The following CAMK2G variants were observed in gnomAD, a reference collection of about 807,000 sequenced individuals.
CAMK2G encodes the protein calcium/calmodulin dependent protein kinase II gamma.
Under a neutral mutation model 88.7 loss-of-function variants are expected in CAMK2G, and 23 were observed. The observed-to-expected ratio is 0.26, with a 90% CI of 0.19 to 0.37. CAMK2G has a LOEUF of 0.37. CAMK2G is among the 10% of genes least tolerant of loss of function. The pLI is 1.00. For synonymous variants in CAMK2G, 263 were observed against 294.8 expected (o/e 0.89, Z 1.11); for missense variants, 476 against 780.8 (o/e 0.61, Z 4.65).
At chr10:73,856,460 T>G (rs1050845662) in intron 3 of CAMK2G, among the ~76,000 whole-genome samples, 2 of 152,220 alleles carry the variant, frequency 1.3e-5, no homozygotes, top group African/African-American at 4.8e-5. Context: ...CAGGCGAGGC[T>G]GTACATGCCA....
At chr10:73,833,941 C>G (rs1187163461) in intron 14 of CAMK2G, among the ~76,000 whole-genome samples, 2 of 79,304 alleles carry the variant, frequency 2.5e-5, no homozygotes, top group African/African-American at 1.2e-4. Flanking sequence ...TTTTTTGAGA[C>G]GGAGTCTTGC....
intron 10 of CAMK2G, chr10:73,846,687 G>T (rs2094266572): frequency 6.6e-6 from 1 of 152,256 alleles, no homozygotes; most frequent in Admixed American, 6.5e-5. Context: ...TCTGAAAGTT[G>T]ATATTTCAGC....
chr10:73,829,203 T>A (rs796320462), intron 14 of CAMK2G, among the ~76,000 whole-genome samples: 3 of 152,294 alleles, frequency 2.0e-5, no homozygotes, highest in African/African-American at 7.2e-5. Flanking sequence ...TGGTCCATAA[T>A]TTAGAATTAG....
intron 14 of CAMK2G, among the ~76,000 whole-genome samples, chr10:73,829,264 C>T (rs2133821708): frequency 7.4e-6 from 1 of 135,400 alleles, no homozygotes; most frequent in African/African-American, 2.7e-5. Flanking sequence ...TTTACATTGG[C>T]CTTTTATTTA....
At chr10:73,862,303 C>A (rs934572929) in intron 2 of CAMK2G, among the ~76,000 whole-genome samples, 32 of 145,624 alleles carry the variant, frequency 2.2e-4, no homozygotes, top group East Asian at 4.0e-4. Flanking sequence ...CTCCACCCCC[C>A]CCCCCCCCGA....
intron 17 of CAMK2G, among the ~76,000 whole-genome samples, chr10:73,822,044 C>T (rs895285716): frequency 2.0e-5 from 3 of 152,198 alleles, no homozygotes; most frequent in African/African-American, 7.2e-5. Context: ...CCAAAGTAAA[C>T]CCCATGTCTT....
At chr10:73,820,696 A>T (rs1589839786) in intron 18 of CAMK2G, among the ~76,000 whole-genome samples, 1 of 95,332 alleles carries the variant, frequency 1.0e-5, no homozygotes, top group Non-Finnish European at 2.2e-5. Context: ...TTTTGAGAAG[A>T]AGTTTCGCTC....
chr10:73,838,854 T>C (rs893154899), intron 13 of CAMK2G, among the ~76,000 whole-genome samples: 5 of 152,180 alleles, frequency 3.3e-5, no homozygotes, highest in Non-Finnish European at 5.9e-5. Flanking sequence ...TCTGATTTTA[T>C]TGTCTGGGGT....
rs3214931 is a variant in CAMK2G, at chr10:73,847,885, C to CT, written c.696+102_696+103insA. On this transcript the variant is annotated intron_variant, in intron 9 of 22. Coordinates refer to ENST00000423381, the MANE Select transcript of CAMK2G (RefSeq NM_001367534.1). ...GGTCCTCAAAGTCCCCTGACACCCC[C>CT]GTATCACGTGACACACTAAACAAGC... The CT allele has an allele frequency of 0.53, 374,070 of 708,452 alleles. 106,850 individuals are homozygous for CT. Among genetic ancestry groups the CT allele is most frequent in the East Asian group, 0.88 (35,308 of 40,068 alleles). The allele number at this position is 708,452 out of a possible 1,614,324, so 43.9% of individuals were successfully genotyped here.
At chr10:73,823,448 TC>T (rs1367373576) in intron 17 of CAMK2G, among the ~76,000 whole-genome samples, 1 of 152,156 alleles carries the variant, frequency 6.6e-6, no homozygotes, top group Non-Finnish European at 1.5e-5. Flanking sequence ...ACTCCTGAGC[TC>T]AGGCGATCTG....
intron 14 of CAMK2G, among the ~76,000 whole-genome samples, chr10:73,836,534 C>T (rs1203845452): frequency 1.3e-5 from 2 of 151,900 alleles, no homozygotes; most frequent in Non-Finnish European, 2.9e-5. Context: ...GGCTCCCCTG[C>T]GAGGGGCGGA....
intron 4 of CAMK2G, chr10:73,852,910 C>A: frequency 2.1e-6 from 1 of 470,048 alleles, no homozygotes; most frequent in Non-Finnish European, 3.8e-6. Flanking sequence ...TCACTAAGGA[C>A]AGCACACTGA....
Position 73,817,478 on chromosome 10 carries a change from C to T in CAMK2G, c.1439+1G>A. On this transcript the variant is annotated splice_donor_variant, in intron 20 of 22. Coordinates refer to ENST00000423381, the MANE Select transcript of CAMK2G (RefSeq NM_001367534.1). LOFTEE classifies it high-confidence loss of function. ...ACAAAAAAAAATGGGTCTCTACTTACGTGTAGGCCTCAAAGTCCCCATTGT... is the reference window on the plus strand; with the variant it reads ...ACAAAAAAAAATGGGTCTCTACTTATGTGTAGGCCTCAAAGTCCCCATTGT... 5 of 1,599,708 alleles carry T rather than the reference C, an allele frequency of 3.1e-6. No individual in the cohort carries two copies. Among genetic ancestry groups the T allele is most frequent in the Non-Finnish European group, 4.3e-6 (5 of 1,166,878 alleles).
At position 73,839,889 on chromosome 10, in the gene CAMK2G, C is replaced by A. The variant is rs142973516; in HGVS notation, c.947-288G>T. On this transcript the variant is annotated intron_variant, in intron 12 of 22. Transcript: ENST00000423381. This position sits in a 1 kb window ranked among gnomAD's most constrained non-coding sequence, Gnocchi z 4.2. ...ACCCCCTCCGGAGGAGGGTCCACAGCGAAATGCCTGAGCCGGTGAGAGGCA... is the reference window on the plus strand; with the variant it reads ...ACCCCCTCCGGAGGAGGGTCCACAGAGAAATGCCTGAGCCGGTGAGAGGCA... 1.3e-5 allele frequency among the ~76,000 whole-genome samples: 2 copies of A among 152,304 alleles called. No individual in the cohort carries two copies. The highest frequency in any genetic ancestry group is 2.1e-4 in the South Asian group (1 of 4,830).
intron 21 of CAMK2G, chr10:73,815,837 A>C (rs967863617): frequency 1.0e-6 from 1 of 985,638 alleles, no homozygotes; most frequent in Non-Finnish European, 1.2e-6. Context: ...GGGAAAAGGC[A>C]AAAGAAGTTG....
chr10:73,825,416 C>T, intron 15 of CAMK2G, 69 bp from the exon 16 acceptor site: 11 of 1,204,424 alleles, frequency 9.1e-6, no homozygotes, highest in Non-Finnish European at 1.4e-5. Context: ...AACTCCCAGA[C>T]CTCCCTTGCC....
In CAMK2G at chr10:73,813,844, C is replaced by T. The variant is rs2084685937; in HGVS notation, c.*674G>A. On this transcript the variant is annotated 3_prime_UTR_variant, in exon 23 of 23. Transcript: ENST00000423381. ...ACTTCTGCAGCACCAATTCTCTTCC[C>T]TTCTACACTAAACAAGACAGTACAG... 2 of 152,608 alleles carry T rather than the reference C, an allele frequency of 1.3e-5. 1 individual carries two copies. The highest frequency in any genetic ancestry group is 2.9e-5 in the Non-Finnish European group (2 of 68,066). The allele number at this position is 152,608 out of a possible 1,614,324, so 9.5% of individuals were successfully genotyped here. A position where few individuals can be genotyped will look rare whatever the true frequency, so the allele number is the denominator to read the frequency against.
chr10:73,844,095 A>AT (rs879447944), intron 10 of CAMK2G, among the ~76,000 whole-genome samples: 129 of 145,608 alleles, frequency 8.9e-4, no homozygotes, highest in South Asian at 5.5e-3. Context: ...AAACAAAAAA[A>AT]TTTTTTTTTT....
chr10:73,824,334 G>A (rs1368249844), intron 16 of CAMK2G, among the ~76,000 whole-genome samples: 1 of 152,202 alleles, frequency 6.6e-6, no homozygotes, highest in Non-Finnish European at 1.5e-5. Context: ...GTGCCCAGGA[G>A]GCTGACAGCA....
Sources: allele counts gnomAD v4.1 joint callset (sites outside exome capture counted in the v4.1 genomes callset), GRCh38; gene constraint gnomAD v4.1.1; non-coding constraint Gnocchi (gnomAD v3.1); transcripts MANE v1.5; gene names NCBI Gene and HGNC (gene_info 2026-07-23, HGNC 2026-07-21).